Variants in FAM240B observed in about 807,000 individuals in gnomAD.
FAM240B encodes the protein family with sequence similarity 240 member B, also known as protein FAM240B.
At chr9:38,715,303 C>T (rs900924654) in intron 1 of FAM240B, among the ~76,000 whole-genome samples, 3 of 152,330 alleles carry the variant, frequency 2.0e-5, no homozygotes, top group Non-Finnish European at 4.4e-5. Flanking sequence ...TCTGTTTTCT[C>T]ATCTGTAAAA....
intron 2 of FAM240B, 93 bp downstream of exon 2, chr9:38,703,764 G>A: frequency 2.5e-6 from 1 of 397,698 alleles, no homozygotes; most frequent in Non-Finnish European, 4.4e-6. Context: ...ACAGCAGTGG[G>A]TACCAAAGAG....
intron 1 of FAM240B, among the ~76,000 whole-genome samples, chr9:38,708,518 T>A (rs964191499): frequency 6.6e-6 from 1 of 152,220 alleles, no homozygotes; most frequent in Non-Finnish European, 1.5e-5. Context: ...GGCTGCATCC[T>A]GACAACCAGG....
chr9:38,699,468 A>G (rs1183275065), intron 2 of FAM240B, among the ~76,000 whole-genome samples: 2 of 152,194 alleles, frequency 1.3e-5, no homozygotes, highest in African/African-American at 4.8e-5. Flanking sequence ...GACATCTGTG[A>G]AAAGAGAGGG....
chr9:38,704,768 T>G (rs1216600472), intron 1 of FAM240B, among the ~76,000 whole-genome samples: 1 of 152,176 alleles, frequency 6.6e-6, no homozygotes, highest in Non-Finnish European at 1.5e-5. Context: ...CTTTACACAC[T>G]GTGCCATCTG....
intron 1 of FAM240B, among the ~76,000 whole-genome samples, chr9:38,707,604 TAAAAAAAACAA>T (rs1386533639): frequency 2.9e-5 from 3 of 104,178 alleles, no homozygotes; most frequent in African/African-American, 9.7e-5. Context: ...CCGTCTCTAC[TAAAAAAAACAA>T]AAAAAAAAAA....
At chr9:38,700,611 C>T (rs376640580) in intron 2 of FAM240B, among the ~76,000 whole-genome samples, 13 of 152,318 alleles carry the variant, frequency 8.5e-5, no homozygotes, top group Admixed American at 4.6e-4. Context: ...ATCCAAACTG[C>T]CCCAGGCAAA....
chr9:38,700,861 A>C (rs888889403), intron 2 of FAM240B, among the ~76,000 whole-genome samples: 1 of 152,180 alleles, frequency 6.6e-6, no homozygotes, highest in African/African-American at 2.4e-5. Context: ...TCCTAGGAAA[A>C]ATGGATTGTC....
chr9:38,717,588 C>T (rs1259867400), intron 1 of FAM240B, among the ~76,000 whole-genome samples: 1 of 152,188 alleles, frequency 6.6e-6, no homozygotes, highest in Non-Finnish European at 1.5e-5. Context: ...TCACGCCATT[C>T]TCCTGCCTCA....
At chr9:38,705,576 A>G (rs1452877667) in intron 1 of FAM240B, 26 of 127,934 alleles carry the variant, frequency 2.0e-4, no homozygotes, top group Non-Finnish European at 1.7e-5. Context: ...GCGACAGAGC[A>G]AGACTCCAAC....
intron 1 of FAM240B, among the ~76,000 whole-genome samples, chr9:38,713,228 C>G (rs1270249332): frequency 6.6e-6 from 1 of 152,158 alleles, no homozygotes; most frequent in Non-Finnish European, 1.5e-5. Context: ...CCTGTAATCC[C>G]AGCACTTTGG....
chr9:38,708,720 G>A lies in FAM240B; in HGVS notation c.-3-4718C>T, dbSNP rs141153869. On this transcript the variant is annotated intron_variant, in intron 1 of 2. Coordinates refer to ENST00000637493, the MANE Select transcript of FAM240B (RefSeq NM_001394922.1). ...CCCACATGCCACATGCTTGTTCAGG[G>A]GACTCACAATGCATCTCCTGATCCC... Among the ~76,000 whole-genome samples the A allele has an allele frequency of 4.6e-3, 696 of 152,172 alleles. 10 individuals carry two copies. Among genetic ancestry groups the A allele is most frequent in the African/African-American group, 0.016 (663 of 41,518 alleles).
At chr9:38,718,071 T>C (rs1315695016) in intron 1 of FAM240B, among the ~76,000 whole-genome samples, 2 of 152,248 alleles carry the variant, frequency 1.3e-5, no homozygotes, top group Non-Finnish European at 2.9e-5. Flanking sequence ...AACACTGTTT[T>C]GCATTTTGCC....
chr9:38,700,431 C>A (rs1372723499), intron 2 of FAM240B, among the ~76,000 whole-genome samples: 15 of 152,156 alleles, frequency 9.9e-5, no homozygotes, highest in Admixed American at 7.9e-4. Flanking sequence ...ATTTTGAAGA[C>A]CACACTTCTT....
chr9:38,710,208 T>C (rs888246065), intron 1 of FAM240B, among the ~76,000 whole-genome samples: 5 of 152,188 alleles, frequency 3.3e-5, no homozygotes, highest in Non-Finnish European at 5.9e-5. Context: ...GACCTCGTGA[T>C]CCGCCTGCCT....
At chr9:38,712,459 A>AT (rs1388965226) in intron 1 of FAM240B, among the ~76,000 whole-genome samples, 4 of 152,266 alleles carry the variant, frequency 2.6e-5, no homozygotes, top group African/African-American at 9.6e-5. Context: ...AGCAACCTGC[A>AT]TTGCAGACAG....
intron 2 of FAM240B, among the ~76,000 whole-genome samples, chr9:38,695,133 C>T (rs1345549426): frequency 7.9e-5 from 12 of 152,102 alleles, no homozygotes; most frequent in South Asian, 2.1e-4. Context: ...ACCTAGATGA[C>T]GGGTTGATAG....
chr9:38,699,623 C>T (rs1352950205), intron 2 of FAM240B, among the ~76,000 whole-genome samples: 1 of 152,178 alleles, frequency 6.6e-6, no homozygotes, highest in Admixed American at 6.5e-5. Flanking sequence ...GCACCCCTGC[C>T]ACCCTCAGTA....
intron 2 of FAM240B, among the ~76,000 whole-genome samples, chr9:38,695,515 A>T (rs1201837178): frequency 6.6e-6 from 1 of 152,170 alleles, no homozygotes; most frequent in Non-Finnish European, 1.5e-5. Flanking sequence ...ACAGAGCAAG[A>T]CTCCGTCTCA....
intron 2 of FAM240B, among the ~76,000 whole-genome samples, chr9:38,701,180 G>A (rs1358319368): frequency 6.6e-6 from 1 of 152,138 alleles, no homozygotes; most frequent in African/African-American, 2.4e-5. Context: ...TGTGTACATT[G>A]GAAGGTGGGC....
Sources: allele counts gnomAD v4.1 joint callset (sites outside exome capture counted in the v4.1 genomes callset), GRCh38; gene constraint gnomAD v4.1.1; transcripts MANE v1.5; gene names NCBI Gene and HGNC (gene_info 2026-07-23, HGNC 2026-07-21).